VPS13C: variants seen among roughly 807,000 people sequenced by gnomAD.
The protein encoded by VPS13C is vacuolar protein sorting 13 homolog C, also known as intermembrane lipid transfer protein VPS13C.
Under a neutral mutation model 456.8 loss-of-function variants are expected in VPS13C, and 358 were observed. The ratio of observed to expected loss-of-function variants is 0.78; its 90% CI spans 0.72 to 0.86. The LOEUF is 0.86. VPS13C is among the 40% of genes least tolerant of loss of function. The probability of loss-of-function intolerance (pLI) is 0.00; values close to 1 mark genes in which losing one functional copy is unlikely to be tolerated. For synonymous variants in VPS13C, 1,578 were observed against 1,486.7 expected (o/e 1.06, Z -1.41); for missense variants, 4,818 against 4,385.4 (o/e 1.10, Z -2.79).
At chr15:61,901,930 C>T (rs2043010781) in intron 66 of VPS13C, among the ~76,000 whole-genome samples, 1 of 151,984 alleles carries the variant, frequency 6.6e-6, no homozygotes, top group East Asian at 1.9e-4. Context: ...TACTATGCAG[C>T]CATAAAAAAT....
In VPS13C at chr15:62,023,806, G is replaced by A. The variant is rs761958124; in HGVS notation, c.488C>T (p.Pro163Leu). The A allele has an allele frequency of 1.2e-5, 19 of 1,610,330 alleles. No individual in the cohort carries two copies. The highest frequency in any genetic ancestry group is 1.4e-5 in the Non-Finnish European group (17 of 1,178,024). The change falls in exon 7 of 85, where the codon CCT becomes CTT. Residue 163 changes from proline to leucine, a missense_variant. Coordinates refer to ENST00000644861, the MANE Select transcript of VPS13C (RefSeq NM_020821.3). The stretch of plus-strand genomic sequence containing the variant: ...TTTTGAACGATCAAGACCTTTAAAA[G>A]GTTTCTTAAAATGTTTTTTGTGCTT... ...RKKHKKHFKK[P>L]FKGLDRSKDK...
chr15:61,981,523 A>G (rs1259130025), intron 21 of VPS13C, 45 bp from the exon 22 acceptor site: 1 of 1,513,416 alleles, frequency 6.6e-7, no homozygotes, highest in Non-Finnish European at 8.9e-7. Context: ...TCAAGTTGAA[A>G]TATGTAATCA....
At chr15:61,910,360 A>G in intron 63 of VPS13C, 55 bp from the exon 64 acceptor site, 1 of 1,286,216 alleles carries the variant, frequency 7.8e-7, no homozygotes, top group Non-Finnish European at 1.0e-6. Context: ...TATAATAAAT[A>G]AGACATTACC....
chr15:62,050,505 C>A (rs1297700256), intron 1 of VPS13C, among the ~76,000 whole-genome samples: 1 of 152,176 alleles, frequency 6.6e-6, no homozygotes, highest in Non-Finnish European at 1.5e-5. Flanking sequence ...AAGAAATATA[C>A]TAAAAGGGCC....
chr15:61,968,308 C>T (rs28612801), intron 28 of VPS13C, among the ~76,000 whole-genome samples: 114 of 151,684 alleles, frequency 7.5e-4, no homozygotes, highest in African/African-American at 2.5e-3. Flanking sequence ...ATTAAAAATA[C>T]AAAAATTTTT....
chr15:62,014,081 G>A, intron 9 of VPS13C, 89 bp from the exon 10 acceptor site: 6 of 897,130 alleles, frequency 6.7e-6, no homozygotes, highest in Non-Finnish European at 1.0e-5. Context: ...AAATAATTTA[G>A]GAAGAAATGA....
intron 47 of VPS13C, among the ~76,000 whole-genome samples, chr15:61,940,063 TAATTA>T (rs1398170630): frequency 1.3e-5 from 2 of 152,170 alleles, no homozygotes; most frequent in Non-Finnish European, 2.9e-5. Flanking sequence ...AACACCTTTC[TAATTA>T]AAACAAGGCC....
At position 61,874,810 on chromosome 15, in the gene VPS13C, A is replaced by G. The variant is rs1274229882; in HGVS notation, c.10414+66T>C. On this transcript the variant is annotated intron_variant, in intron 77 of 84. Transcript: ENST00000644861. ...TATTAAATAAAAGCATTTGTTTTTCATAACAACGTATTTCATAACAATATA... is the reference window on the plus strand; with the variant it reads ...TATTAAATAAAAGCATTTGTTTTTCGTAACAACGTATTTCATAACAATATA... 3.6e-6 allele frequency: 5 copies of G among 1,392,638 alleles called. No homozygotes were observed. The South Asian group carries it at 4.0e-5, about 11-fold the overall frequency. 86.3% of individuals were successfully genotyped at this position (1,392,638 alleles called of 1,614,324 possible).
intron 77 of VPS13C, 52 bp from the exon 78 acceptor site, chr15:61,873,461 A>C: frequency 6.6e-7 from 1 of 1,520,002 alleles, no homozygotes; most frequent in Non-Finnish European, 8.9e-7. Flanking sequence ...CTATACAAGG[A>C]ACTCAACAGC....
chr15:61,962,984 A>G, intron 32 of VPS13C, 132 bp from the exon 33 acceptor site: 1 of 541,192 alleles, frequency 1.8e-6, no homozygotes, highest in Non-Finnish European at 3.1e-6. Context: ...TGGATAAATA[A>G]GTTGCAATAT....
In VPS13C at chr15:61,991,770, C is replaced by T; in HGVS notation, c.1386G>A (p.Lys462=). 1 of 1,613,042 alleles carries T rather than the reference C, an allele frequency of 6.2e-7. No individual in the cohort carries two copies. The highest frequency in any genetic ancestry group is 8.5e-7 in the Non-Finnish European group (1 of 1,179,588). ...VIRSGQKLRK[K]SADTGEKRGG... is the part of the protein sequence containing the mutation. The stretch of plus-strand genomic sequence containing the variant: ...CACGTTTCTCGCCTGTGTCAGCAGA[C>T]TTTTTCCTTAATTTTTGCCCAGACC... Residue 462 remains lysine, a synonymous_variant, in exon 17 of 85, where the codon AAG becomes AAA. Coordinates refer to ENST00000644861, the MANE Select transcript of VPS13C (RefSeq NM_020821.3).
intron 6 of VPS13C, among the ~76,000 whole-genome samples, chr15:62,025,857 A>AT (rs1252122692): frequency 1.3e-5 from 2 of 151,940 alleles, no homozygotes; most frequent in African/African-American, 4.8e-5. Context: ...AACTACTGAT[A>AT]TTTACCATAT....
intron 6 of VPS13C, 33 bp downstream of exon 6, chr15:62,028,325 T>C: frequency 6.2e-7 from 1 of 1,607,458 alleles, no homozygotes; most frequent in African/African-American, 1.3e-5. Context: ...AATATGTTTA[T>C]ATAGTTGAAT....
At position 61,920,100 on chromosome 15, in the gene VPS13C, G is replaced by A. The variant is rs778268639; in HGVS notation, c.7444C>T (p.Arg2482Cys). 31 of 1,608,958 alleles carry A rather than the reference G, an allele frequency of 1.9e-5. No homozygotes were observed. Among genetic ancestry groups the A allele is most frequent in the Middle Eastern group, 1.7e-4 (1 of 6,050 alleles). The change falls in exon 57 of 85, where the codon CGT becomes TGT. Residue 2482 changes from arginine (R) to cysteine (C), a missense_variant. Arg to Cys is a radical substitution (Grantham distance 180, BLOSUM62 -3). This residue lies in a region of VPS13C where 4,552 missense variants were observed against 4,130.6 expected (regional missense o/e 1.10). Transcript: ENST00000644861. Reference sequence around the variant, plus strand: ...AGAGTGAAGAAGGAGCTTTCTTGACGGCTCAATATAGATAGGTTCCCTTGA... The same window carrying A: ...AGAGTGAAGAAGGAGCTTTCTTGACAGCTCAATATAGATAGGTTCCCTTGA... ...SSQGNLSILS[R>C]QESSFFTLTI...
intron 3 of VPS13C, among the ~76,000 whole-genome samples, chr15:62,037,367 ATATAT>A (rs1318093335): frequency 5.6e-5 from 5 of 89,240 alleles, no homozygotes; most frequent in South Asian, 2.8e-4. Context: ...AATGTATATA[ATATAT>A]TATATATAAA....
At chr15:62,001,525 T>A (rs1043075732) in intron 15 of VPS13C, among the ~76,000 whole-genome samples, 1 of 152,238 alleles carries the variant, frequency 6.6e-6, no homozygotes, top group Admixed American at 6.5e-5. Context: ...ACTTTTTTTT[T>A]ATTATTAGTA....
At chr15:61,990,931 A>C in intron 18 of VPS13C, 69 bp downstream of exon 18, 1 of 1,014,430 alleles carries the variant, frequency 9.9e-7, no homozygotes, top group African/African-American at 1.6e-5. Context: ...AAAAATCAGT[A>C]AGTCTAATCC....
intron 30 of VPS13C, among the ~76,000 whole-genome samples, chr15:61,965,242 T>C (rs2045342461): frequency 6.6e-6 from 1 of 151,950 alleles, no homozygotes; most frequent in Non-Finnish European, 1.5e-5. Context: ...AACCACCATG[T>C]GCTACTACTA....
chr15:61,937,562 C>G (rs1367849859), intron 47 of VPS13C, among the ~76,000 whole-genome samples: 1 of 152,170 alleles, frequency 6.6e-6, no homozygotes, highest in African/African-American at 2.4e-5. Flanking sequence ...GCAAGCTCCG[C>G]CTCCCAGGTT....
Sources: allele counts gnomAD v4.1 joint callset (sites outside exome capture counted in the v4.1 genomes callset), GRCh38; gene constraint gnomAD v4.1.1; regional missense constraint gnomAD v4.1.1; transcripts MANE v1.5; gene names NCBI Gene and HGNC (gene_info 2026-07-23, HGNC 2026-07-21).